GNS: variants seen among roughly 807,000 people sequenced by gnomAD.
GNS encodes N-acetylglucosamine-6-sulfatase.
GNS carries 40 observed loss-of-function variants against 69.7 expected under a neutral mutation model. The observed-to-expected ratio is 0.57, with a 90% CI of 0.45 to 0.75. The LOEUF (loss-of-function observed/expected upper bound fraction) is 0.75, where lower values mean the gene tolerates loss of function less well. Ranked by LOEUF, GNS falls within the 30% of genes least tolerant of loss-of-function variation. The pLI, the probability that GNS is intolerant of heterozygous loss-of-function variation, is 0.00. For missense variants in GNS, 565 were observed against 685.5 expected (o/e 0.82, Z 1.96); for synonymous variants, 243 against 251.6 (o/e 0.97, Z 0.32).
Position 64,716,806 on chromosome 12 carries a change from G to A in GNS, c.1594C>T (p.Pro532Ser). The A allele has an allele frequency of 6.2e-7, 1 of 1,610,962 alleles. No homozygotes were observed. The change falls in exon 14 of 14, where the codon CCC becomes TCC. Residue 532 changes from proline (P) to serine (S), a missense_variant. By Grantham distance (74) the Pro-to-Ser change is moderately conservative (BLOSUM62 -1). Transcript: ENST00000258145. ...CCGCGATTGCTGAACATGAGACGGG[G>A]GTCAAACCTGTATCTGGGGAGGAAA... ...GVFDPGYRFD[P>S]RLMFSNRGSV...
chr12:64,735,696 C>G (rs1592500006), intron 9 of GNS, among the ~76,000 whole-genome samples: 1 of 152,208 alleles, frequency 6.6e-6, no homozygotes, highest in East Asian at 1.9e-4. Context: ...CTGACATGGT[C>G]TCCTCAATCA....
chr12:64,723,709 G>T (rs1487744292), intron 10 of GNS, among the ~76,000 whole-genome samples: 2 of 152,220 alleles, frequency 1.3e-5, no homozygotes, highest in Non-Finnish European at 2.9e-5. Flanking sequence ...GGTGAAAGGA[G>T]AAAGAATCTA....
chr12:64,725,676 G>C (rs776357075), intron 10 of GNS, among the ~76,000 whole-genome samples: 3 of 152,088 alleles, frequency 2.0e-5, no homozygotes, highest in Admixed American at 6.5e-5. Context: ...TTTACCCCTA[G>C]AGTGAATCAG....
intron 13 of GNS, among the ~76,000 whole-genome samples, chr12:64,717,758 C>T (rs1181607169): frequency 6.6e-6 from 1 of 152,134 alleles, no homozygotes; most frequent in Non-Finnish European, 1.5e-5. Flanking sequence ...GGCCACAGTG[C>T]ATGACAAAAG....
intron 2 of GNS, among the ~76,000 whole-genome samples, chr12:64,751,108 G>A (rs1482061378): frequency 6.6e-6 from 1 of 152,102 alleles, no homozygotes; most frequent in Admixed American, 6.5e-5. Context: ...AGCACTTTGG[G>A]AGACTGAGAT....
chr12:64,754,051 T>C (rs1295473779), intron 1 of GNS, among the ~76,000 whole-genome samples: 6 of 152,260 alleles, frequency 3.9e-5, no homozygotes, highest in Non-Finnish European at 8.8e-5. Context: ...GGGACTTAAT[T>C]GTCAAACTGT....
At chr12:64,722,888 G>A in intron 11 of GNS, 118 bp downstream of exon 11, 1 of 733,538 alleles carries the variant, frequency 1.4e-6, no homozygotes, top group Non-Finnish European at 2.5e-6. Flanking sequence ...ACCACTCACA[G>A]TCAGTGACAA....
At chr12:64,743,486 T>C (rs1869810683) in intron 5 of GNS, among the ~76,000 whole-genome samples, 178 bp from the exon 6 acceptor site, 1 of 152,230 alleles carries the variant, frequency 6.6e-6, no homozygotes, top group Admixed American at 6.5e-5. Context: ...TATTTGTTTT[T>C]TAGGCAATAC....
chr12:64,742,102 G>A (rs1371233149), intron 6 of GNS, among the ~76,000 whole-genome samples: 1 of 151,896 alleles, frequency 6.6e-6, no homozygotes. Context: ...CTCACGGCAA[G>A]CTCCGCCTCC....
chr12:64,743,566 A>G (rs547283547), intron 5 of GNS, among the ~76,000 whole-genome samples: 3 of 152,318 alleles, frequency 2.0e-5, no homozygotes, highest in South Asian at 2.1e-4. Flanking sequence ...TGACCTAGAA[A>G]TCATGTCTCC....
chr12:64,728,378 T>G (rs1340464297), intron 10 of GNS, among the ~76,000 whole-genome samples: 1 of 152,250 alleles, frequency 6.6e-6, no homozygotes, highest in Non-Finnish European at 1.5e-5. Flanking sequence ...GTTTTTGACA[T>G]GTGTTCTCTG....
Position 64,734,348 on chromosome 12 carries a change from C to CA in GNS, c.1098+2655dup, listed in dbSNP as rs567474693. On this transcript the variant is annotated intron_variant, in intron 9 of 13. Coordinates refer to ENST00000258145, the MANE Select transcript of GNS (RefSeq NM_002076.4). ...CTAGGACATCCTAGACTGAAAAAGACAAACTTAATAGGGTGTGACAAGTGT... is the reference window on the plus strand; with the variant it reads ...CTAGGACATCCTAGACTGAAAAAGACAAAACTTAATAGGGTGTGACAAGTGT... 3.1e-4 allele frequency among the ~76,000 whole-genome samples: 47 copies of CA among 152,178 alleles called. No homozygotes were observed. In the South Asian group the frequency reaches 9.5e-3, roughly 31 times the overall value.
chr12:64,745,802 T>G, intron 3 of GNS, 78 bp from the exon 4 acceptor site: 1 of 918,070 alleles, frequency 1.1e-6, no homozygotes. Flanking sequence ...AATTTTACAA[T>G]CTTTTTAGAC....
rs1173989522 is a variant in GNS at position 64,759,069 on chromosome 12, G to A, written c.192+16C>T. ...GCCCAAGAGATAGAGGGGCGGGGCA[G>A]AAACAGAAGAGTTACCATGCCGCCG... On this transcript the variant is annotated intron_variant, in intron 1 of 13. Coordinates refer to ENST00000258145, the MANE Select transcript of GNS (RefSeq NM_002076.4). The A allele has an allele frequency of 2.6e-6, 4 of 1,550,734 alleles. No homozygotes were observed. Among genetic ancestry groups the A allele is most frequent in the Admixed American group, 3.9e-5 (2 of 51,496 alleles).
At chr12:64,729,414 A>G (rs1350480495) in intron 9 of GNS, among the ~76,000 whole-genome samples, 1 of 152,202 alleles carries the variant, frequency 6.6e-6, no homozygotes, top group Non-Finnish European at 1.5e-5. Flanking sequence ...GTGTCTTACA[A>G]CTTGATTATT....
chr12:64,746,096 A>G, intron 3 of GNS: 1 of 329,158 alleles, frequency 3.0e-6, no homozygotes, highest in South Asian at 2.8e-5. Flanking sequence ...ATTCATTTAC[A>G]TAGTGCAGTG....
intron 8 of GNS, among the ~76,000 whole-genome samples, chr12:64,738,706 G>A (rs551748314): frequency 2.2e-4 from 34 of 152,088 alleles, no homozygotes; most frequent in Non-Finnish European, 3.5e-4. Flanking sequence ...CCAGCTACTC[G>A]AGAGGTTGAG....
chr12:64,729,634 T>C (rs983489061), intron 9 of GNS, among the ~76,000 whole-genome samples: 1 of 152,232 alleles, frequency 6.6e-6, no homozygotes, highest in Non-Finnish European at 1.5e-5. Context: ...GCAAAAGACT[T>C]AGATGTTTTT....
intron 3 of GNS, among the ~76,000 whole-genome samples, chr12:64,746,813 C>T (rs1389243098): frequency 6.6e-6 from 1 of 152,174 alleles, no homozygotes; most frequent in Non-Finnish European, 1.5e-5. Flanking sequence ...TCCACAGTTC[C>T]TATTTCTCAT....
Sources: gnomAD v4.1 joint callset for allele counts (sites outside exome capture counted in the v4.1 genomes callset) on GRCh38, gnomAD v4.1.1 for gene constraint, MANE v1.5 for transcripts, NCBI Gene and HGNC (gene_info 2026-07-23, HGNC 2026-07-21) for gene names.